The following WBP4 variants were observed in gnomAD, a reference collection of about 807,000 sequenced individuals.
WBP4 encodes WW domain-binding protein 4.
A neutral mutation model predicts 55.4 loss-of-function variants in WBP4; 37 were observed. That is an observed-to-expected ratio of 0.67 (90% CI 0.51 to 0.88). The LOEUF is 0.88. WBP4 is among the 40% of genes least tolerant of loss of function. WBP4 has a pLI of 0.00. For synonymous variants in WBP4, 142 were observed against 140.2 expected (o/e 1.01, Z -0.09); for missense variants, 398 against 420.8 (o/e 0.95, Z 0.47).
Position 41,061,872 on chromosome 13 carries a change from C to T in WBP4, c.2+197C>T, listed in dbSNP as rs577543741. Among the ~76,000 whole-genome samples the T allele has an allele frequency of 2.6e-5, 4 of 152,180 alleles. No homozygotes were observed. In the East Asian group the frequency reaches 7.8e-4, roughly 30 times the overall value. On this transcript the variant is annotated intron_variant, in intron 1 of 9. Coordinates refer to ENST00000379487, the MANE Select transcript of WBP4 (RefSeq NM_007187.5). ...TAGAAATGTTACCCCGCTGAACGCC[C>T]TGGGGTATGGGGCACGGGCTCTAGG... is the stretch of plus-strand genomic sequence containing the variant.
Position 41,074,810 on chromosome 13 carries a change from C to T in WBP4, c.563-1234C>T, listed in dbSNP as rs1000897815. The stretch of plus-strand genomic sequence containing the variant: ...AGGAGCTCGTGACCAGCCTGGGCAA[C>T]GTGGTGAAATCCTGTCTCTACTAAA... On this transcript the variant is annotated intron_variant, in intron 7 of 9. Transcript: ENST00000379487. Among the ~76,000 whole-genome samples the T allele has an allele frequency of 9.4e-4, 143 of 152,200 alleles. 2 individuals carry two copies. The highest frequency in any genetic ancestry group is 6.5e-4 in the Non-Finnish European group (44 of 68,002).
chr13:41,075,558 G>T lies in WBP4; in HGVS notation c.563-486G>T, dbSNP rs9566686. Reference sequence around the variant, plus strand: ...CATGATGCCTGCTAACTTTTTAATTGTTTGTAGAGACAGGTTCTCGCTATG... The same window carrying T: ...CATGATGCCTGCTAACTTTTTAATTTTTTGTAGAGACAGGTTCTCGCTATG... On this transcript the variant is annotated intron_variant, in intron 7 of 9. Coordinates refer to ENST00000379487, the MANE Select transcript of WBP4 (RefSeq NM_007187.5). Among the ~76,000 whole-genome samples the T allele has an allele frequency of 2.7e-3, 416 of 152,108 alleles. 8 individuals carry two copies. In the East Asian group the frequency reaches 0.049, roughly 18 times the overall value.
Position 41,076,038 on chromosome 13 carries a change from G to T in WBP4, c.563-6G>T. 6.2e-7 allele frequency: 1 copy of T among 1,609,578 alleles called. No individual in the cohort carries two copies. The highest frequency in any genetic ancestry group is 1.1e-5 in the South Asian group (1 of 89,848). Reference sequence around the variant, plus strand: ...AAATAACATGACTTTAAAATGTGTTGAGCAGAATCCAGATGGGAGAAACCT... The same window carrying T: ...AAATAACATGACTTTAAAATGTGTTTAGCAGAATCCAGATGGGAGAAACCT... On this transcript the variant is annotated splice_polypyrimidine_tract_variant and splice_region_variant and intron_variant, in intron 7 of 9. Transcript: ENST00000379487.
Position 41,082,938 on chromosome 13 carries a change from G to T in WBP4, c.*24G>T. On this transcript the variant is annotated 3_prime_UTR_variant, in exon 10 of 10. Transcript: ENST00000379487. ...AGTTGCAGGAGAGCTTTTTGTACAT[G>T]CTTTTAGGACAGAATGGAGACTTAT... 3 of 1,610,706 alleles carry T rather than the reference G, an allele frequency of 1.9e-6. No individual in the cohort carries two copies. The highest frequency in any genetic ancestry group is 2.5e-6 in the Non-Finnish European group (3 of 1,177,638).
intron 8 of WBP4, among the ~76,000 whole-genome samples, chr13:41,078,380 A>G (rs982303800): frequency 2.0e-5 from 3 of 152,220 alleles, no homozygotes; most frequent in African/African-American, 7.2e-5. Flanking sequence ...CAACAAAAAT[A>G]TACACTGGGG....
chr13:41,078,980 G>C (rs977997942), intron 8 of WBP4, among the ~76,000 whole-genome samples: 3 of 152,058 alleles, frequency 2.0e-5, no homozygotes, highest in African/African-American at 7.2e-5. Flanking sequence ...TAATTAAAAA[G>C]CTTATGCACA....
At chr13:41,063,734 T>A (rs1033949457) in intron 2 of WBP4, among the ~76,000 whole-genome samples, 1 of 152,178 alleles carries the variant, frequency 6.6e-6, no homozygotes, top group Non-Finnish European at 1.5e-5. Flanking sequence ...ACAAAATTAA[T>A]TTAATTTTGA....
At position 41,061,535 on chromosome 13, in the gene WBP4, C is replaced by G. The variant is rs746965413; in HGVS notation, c.-139C>G. ...TAGTTGGGAACAGCGGAACGCTGGT[C>G]CCGGGGACTGAGTAAGGTGTCTGGA... On this transcript the variant is annotated 5_prime_UTR_variant, in exon 1 of 10. Coordinates refer to ENST00000379487, the MANE Select transcript of WBP4 (RefSeq NM_007187.5). The G allele has an allele frequency of 3.4e-4, 465 of 1,371,306 alleles. No homozygotes were observed. Among genetic ancestry groups the G allele is most frequent in the Non-Finnish European group, 4.6e-4 (448 of 982,042 alleles). 84.9% of individuals were successfully genotyped at this position (1,371,306 alleles called of 1,614,324 possible).
chr13:41,074,502 A>G (rs1323719047), intron 7 of WBP4, among the ~76,000 whole-genome samples: 2 of 152,182 alleles, frequency 1.3e-5, no homozygotes, highest in Non-Finnish European at 2.9e-5. Context: ...TAGTATAGTG[A>G]TATAATATAG....
Position 41,065,044 on chromosome 13 carries a change from A to G in WBP4, c.104A>G (p.Asn35Ser), listed in dbSNP as rs766491514. ...PSVEFHERGK[N>S]HKENVAKRIS... ...GTTGAATTTCATGAAAGAGGAAAGA[A>G]TCATAAGGAAAATGTGGCAAAAAGG... The change falls in exon 3 of 10, where the codon AAT becomes AGT. Residue 35 changes from asparagine to serine, a missense_variant. By Grantham distance (46) the Asn-to-Ser change is conservative. Transcript: ENST00000379487. 3.8e-6 allele frequency: 6 copies of G among 1,593,552 alleles called. No individual in the cohort carries two copies. The highest frequency in any genetic ancestry group is 4.5e-5 in the East Asian group (2 of 44,334).
intron 2 of WBP4, among the ~76,000 whole-genome samples, chr13:41,063,844 T>G (rs1471894566): frequency 1.3e-5 from 2 of 152,214 alleles, no homozygotes; most frequent in African/African-American, 2.4e-5. Context: ...AGTCACACTT[T>G]AAAGATGAAT....
chr13:41,064,735 A>C (rs1306540061), intron 2 of WBP4, among the ~76,000 whole-genome samples: 1 of 152,066 alleles, frequency 6.6e-6, no homozygotes, highest in East Asian at 1.9e-4. Context: ...TAGTCACTAG[A>C]TTAGTCATCA....
chr13:41,062,803 C>T, intron 2 of WBP4, 87 bp downstream of exon 2: 3 of 1,171,480 alleles, frequency 2.6e-6, no homozygotes, highest in Non-Finnish European at 3.6e-6. Flanking sequence ...TTACAAAGCA[C>T]TTTTATGTAC....
chr13:41,070,505 G>T (rs1878192337), intron 5 of WBP4, among the ~76,000 whole-genome samples: 1 of 151,632 alleles, frequency 6.6e-6, no homozygotes, highest in Non-Finnish European at 1.5e-5. Context: ...AGAGAATGAT[G>T]GTGCCATTTA....
rs758241574 is a variant in WBP4 at position 41,068,729 on chromosome 13, T to C, written c.431T>C (p.Ile144Thr). 1.9e-6 allele frequency: 3 copies of C among 1,588,622 alleles called. No individual in the cohort carries two copies. The highest frequency in any genetic ancestry group is 4.5e-5 in the East Asian group (2 of 44,458). ...GGTTACCATTACTATTATGATCTTATCTCAGGAGGTAAGTCATTTAGGCAT... is the reference window on the plus strand; with the variant it reads ...GGTTACCATTACTATTATGATCTTACCTCAGGAGGTAAGTCATTTAGGCAT... Reference protein sequence around the residue: ...SEGYHYYYDLISGASQWEKPE... With the variant: ...SEGYHYYYDLTSGASQWEKPE... The change falls in exon 5 of 10, where the codon ATC becomes ACC. Residue 144 changes from isoleucine to threonine, a missense_variant. Physicochemically the swap from Ile to Thr is moderately conservative, Grantham distance 89. Transcript: ENST00000379487.
chr13:41,064,066 C>T (rs565395596), intron 2 of WBP4, among the ~76,000 whole-genome samples: 1 of 151,260 alleles, frequency 6.6e-6, no homozygotes, highest in African/African-American at 2.4e-5. Flanking sequence ...CATAGGTTAT[C>T]ATTTTTTTTT....
rs191534996 is a variant in WBP4, at chr13:41,075,734, A to T, written c.563-310A>T. Among the ~76,000 whole-genome samples the T allele has an allele frequency of 3.3e-5, 5 of 152,296 alleles. No homozygotes were observed. The East Asian group carries it at 7.7e-4, about 24-fold the overall frequency. On this transcript the variant is annotated intron_variant, in intron 7 of 9. Transcript: ENST00000379487. ...GTTTCAGGAAATCTCTTGTTTGCTC[A>T]TTATCAATACGTTTCCTGAAATTGG... is the stretch of plus-strand genomic sequence containing the variant.
At chr13:41,072,458 A>G (rs562253048) in intron 6 of WBP4, among the ~76,000 whole-genome samples, 10 of 152,324 alleles carry the variant, frequency 6.6e-5, no homozygotes, top group South Asian at 4.1e-4. Flanking sequence ...CACATCTTAC[A>G]TGGCCAGACC....
At chr13:41,075,519 C>T (rs1257961852) in intron 7 of WBP4, among the ~76,000 whole-genome samples, 3 of 152,126 alleles carry the variant, frequency 2.0e-5, no homozygotes, top group African/African-American at 7.2e-5. Flanking sequence ...GTAGTGGGTA[C>T]TGCAGGAATA....
Sources: gnomAD v4.1 joint callset for allele counts (sites outside exome capture counted in the v4.1 genomes callset) on GRCh38, gnomAD v4.1.1 for gene constraint, MANE v1.5 for transcripts, NCBI Gene and HGNC (gene_info 2026-07-23, HGNC 2026-07-21) for gene names.